Variants in PHF24 observed in about 807,000 individuals in gnomAD.
PHF24 encodes the protein PHD finger protein 24.
In PHF24, 25 loss-of-function variants were observed where a neutral mutation model predicts 42.6. The observed-to-expected ratio is 0.59, with a 90% CI of 0.43 to 0.82. The LOEUF is 0.82. PHF24 is among the 40% of genes least tolerant of loss of function. The pLI, the probability that PHF24 is intolerant of heterozygous loss-of-function variation, is 0.00. For missense variants in PHF24, 470 were observed against 538.1 expected (o/e 0.87, Z 1.25); for synonymous variants, 185 against 204.8 (o/e 0.90, Z 0.83).
At chr9:34,806,011 G>A in the PHF24 span, among the ~76,000 whole-genome samples, 1 of 152,116 alleles carries the variant, frequency 6.6e-6, no homozygotes, top group Non-Finnish European at 1.5e-5. Context: ...TAGCCTTGTT[G>A]AAACTTAGTT....
In PHF24 at chr9:34,958,989, G is replaced by C. The variant is rs1252679961; in HGVS notation, c.-5+588G>C. 6.6e-6 allele frequency among the ~76,000 whole-genome samples: 1 copy of C among 152,170 alleles called. No individual in the cohort carries two copies. ...GCCCTTACTTGTATCCCCACACCGT[G>C]GCCCAGAGGTGGGGGCCTTCTAGGG... is the stretch of plus-strand genomic sequence containing the variant. On this transcript the variant is annotated intron_variant, in intron 1 of 7. Transcript: ENST00000242315. The surrounding 1 kb of genome is among the most constrained non-coding windows in gnomAD (Gnocchi z 4.5).
chr9:34,672,824 AG>A, the PHF24 span, among the ~76,000 whole-genome samples: 294 of 152,290 alleles, frequency 1.9e-3, 1 homozygote, highest in African/African-American at 6.6e-3. Context: ...TATATTTTTA[AG>A]AGACGAAGTC....
At chr9:34,865,148 A>AC in the PHF24 span, among the ~76,000 whole-genome samples, 2 of 150,774 alleles carry the variant, frequency 1.3e-5, no homozygotes, top group African/African-American at 4.9e-5. Context: ...CACTGCAAAA[A>AC]AAAAAAAAAA....
chr9:34,892,743 A>G, the PHF24 span: 1 of 464,864 alleles, frequency 2.2e-6, no homozygotes, highest in Non-Finnish European at 3.8e-6. Flanking sequence ...AAGTTTGAAG[A>G]CAGAGATCCC....
chr9:34,729,493 A>G, the PHF24 span: 2 of 1,490,100 alleles, frequency 1.3e-6, no homozygotes, highest in East Asian at 2.5e-5. Context: ...TCTGGTGCCT[A>G]ATGAATCCCA....
the PHF24 span, among the ~76,000 whole-genome samples, chr9:34,688,119 C>T: frequency 2.0e-5 from 3 of 152,170 alleles, no homozygotes; most frequent in African/African-American, 7.2e-5. Context: ...ATGTCATGCT[C>T]TCAGTGAGGA....
the PHF24 span, among the ~76,000 whole-genome samples, chr9:34,870,674 C>T: frequency 1.3e-5 from 2 of 151,812 alleles, no homozygotes; most frequent in Non-Finnish European, 1.5e-5. Context: ...CTCAAGCAAT[C>T]CTCTCAGCTC....
At chr9:34,682,290 C>G in the PHF24 span, among the ~76,000 whole-genome samples, 1 of 151,410 alleles carries the variant, frequency 6.6e-6, no homozygotes. Context: ...CATCTTGGCA[C>G]TTTTGATCGT....
chr9:34,967,476 GT>G (rs1371467057), intron 1 of PHF24, among the ~76,000 whole-genome samples: 3 of 152,236 alleles, frequency 2.0e-5, no homozygotes, highest in Non-Finnish European at 2.9e-5. Flanking sequence ...CTGAGCCACA[GT>G]TGAAAGTTTT....
the PHF24 span, among the ~76,000 whole-genome samples, chr9:34,933,125 C>T: frequency 5.9e-5 from 9 of 151,722 alleles, no homozygotes; most frequent in African/African-American, 2.2e-4. Flanking sequence ...GCCCTGCTAA[C>T]GAACTCCTTT....
the PHF24 span, among the ~76,000 whole-genome samples, chr9:34,762,874 A>G: frequency 1.3e-5 from 2 of 152,162 alleles, no homozygotes; most frequent in Non-Finnish European, 1.5e-5. Context: ...TAATTTTGGT[A>G]TAAGGTGTAA....
chr9:34,741,822 C>T, the PHF24 span, among the ~76,000 whole-genome samples: 1 of 152,200 alleles, frequency 6.6e-6, no homozygotes, highest in East Asian at 1.9e-4. Context: ...TTAAGCTTTG[C>T]CTAGCCTCTG....
At chr9:34,929,392 T>C in the PHF24 span, among the ~76,000 whole-genome samples, 1 of 152,206 alleles carries the variant, frequency 6.6e-6, no homozygotes, top group African/African-American at 2.4e-5. Flanking sequence ...ATTTAAATTA[T>C]TTGCTTATGG....
At chr9:34,904,599 T>G in the PHF24 span, among the ~76,000 whole-genome samples, 1 of 151,726 alleles carries the variant, frequency 6.6e-6, no homozygotes, top group Non-Finnish European at 1.5e-5. Context: ...GGATTATCTT[T>G]TTGATATGTT....
At chr9:34,768,776 A>C in the PHF24 span, among the ~76,000 whole-genome samples, 2 of 152,162 alleles carry the variant, frequency 1.3e-5, no homozygotes, top group African/African-American at 4.8e-5. Flanking sequence ...ACAGGAAGAA[A>C]TTGAAAGCAT....
the PHF24 span, among the ~76,000 whole-genome samples, chr9:34,929,934 G>A: frequency 6.6e-6 from 1 of 152,152 alleles, no homozygotes; most frequent in Non-Finnish European, 1.5e-5. Context: ...ATTTCAGCGA[G>A]ATCTGGATAC....
chr9:34,875,582 T>C, the PHF24 span, among the ~76,000 whole-genome samples: 519 of 152,232 alleles, frequency 3.4e-3, 7 homozygotes, highest in African/African-American at 0.012. Context: ...ATAAATTATA[T>C]TTCTTACTAT....
chr9:34,969,850 T>C (rs1013434808), intron 1 of PHF24, among the ~76,000 whole-genome samples: 8 of 152,212 alleles, frequency 5.3e-5, no homozygotes, highest in African/African-American at 1.9e-4. Context: ...GAACTGGCCT[T>C]ACTTCTCCTC....
At chr9:34,723,877 G>A in the PHF24 span, 2 of 1,551,670 alleles carry the variant, frequency 1.3e-6, no homozygotes, top group South Asian at 1.2e-5. Flanking sequence ...GTAGCTGTGG[G>A]AGCTTAAGCT....
Sources: gnomAD v4.1 joint callset for allele counts (sites outside exome capture counted in the v4.1 genomes callset) on GRCh38, gnomAD v4.1.1 for gene constraint, Gnocchi (gnomAD v3.1) non-coding constraint, MANE v1.5 for transcripts, NCBI Gene and HGNC (gene_info 2026-07-23, HGNC 2026-07-21) for gene names.